NDUFC2: variants seen among roughly 807,000 people sequenced by gnomAD.
NDUFC2 encodes the protein NADH:ubiquinone oxidoreductase subunit C2.
Under a neutral mutation model 10.1 loss-of-function variants are expected in NDUFC2, and 2 were observed. That is an observed-to-expected ratio of 0.20 (90% CI 0.08 to 0.62). NDUFC2 has a LOEUF of 0.62. Among genes scored for constraint, NDUFC2 ranks in the 20% least tolerant of loss-of-function variants. NDUFC2 has a pLI of 0.87. For missense variants in NDUFC2, 156 were observed against 159.6 expected (o/e 0.98, Z 0.12); for synonymous variants, 61 against 63.6 (o/e 0.96, Z 0.20).
At chr11:78,074,446 C>CT (rs1171515686) in intron 1 of NDUFC2, among the ~76,000 whole-genome samples, 3 of 152,034 alleles carry the variant, frequency 2.0e-5, no homozygotes, top group African/African-American at 7.2e-5. Context: ...AACTCCGTCT[C>CT]TACTAAAAAT....
rs760630882 is a variant in NDUFC2, at chr11:78,073,065, C to G, written c.243G>C (p.Leu81=). The G allele has an allele frequency of 6.2e-7, 1 of 1,613,968 alleles. No individual in the cohort carries two copies. Among genetic ancestry groups the G allele is most frequent in the East Asian group, 2.2e-5 (1 of 44,884 alleles). Reference sequence around the variant, plus strand: ...ACATTTCACGGTCCCTCACAGCATACAGGTAGTCTTCACGTTTTACAAGAT... The same window carrying G: ...ACATTTCACGGTCCCTCACAGCATAGAGGTAGTCTTCACGTTTTACAAGAT... ...GYYLVKREDY[L]YAVRDREMFG... is the part of the protein sequence containing the mutation. Residue 81 remains leucine, a synonymous_variant, in exon 2 of 3, where the codon CTG becomes CTC. Transcript: ENST00000281031.
At chr11:78,076,497 C>A (rs1213610834) in intron 1 of NDUFC2, among the ~76,000 whole-genome samples, 1 of 152,206 alleles carries the variant, frequency 6.6e-6, no homozygotes, top group South Asian at 2.1e-4. Flanking sequence ...GCTAGATAAA[C>A]ACAATATGCA....
chr11:78,075,822 A>G (rs1859225601), intron 1 of NDUFC2, among the ~76,000 whole-genome samples: 1 of 152,090 alleles, frequency 6.6e-6, no homozygotes, highest in African/African-American at 2.4e-5. Context: ...ACCTGGGCTC[A>G]AGCAATCCTC....
At chr11:78,074,116 G>A (rs898815201) in intron 1 of NDUFC2, among the ~76,000 whole-genome samples, 4 of 151,318 alleles carry the variant, frequency 2.6e-5, no homozygotes, top group Admixed American at 1.3e-4. Flanking sequence ...CTGGGCTCAA[G>A]CGATCCCCCT....
intron 1 of NDUFC2, among the ~76,000 whole-genome samples, chr11:78,077,210 T>A (rs1859285174): frequency 6.6e-6 from 1 of 151,618 alleles, no homozygotes; most frequent in African/African-American, 2.4e-5. Flanking sequence ...GAGGATCGCC[T>A]GAGCCCAGGA....
chr11:78,070,166 C>A (rs7124965), intron 2 of NDUFC2, 130 bp from the exon 3 acceptor site: 8 of 687,036 alleles, frequency 1.2e-5, no homozygotes, highest in South Asian at 9.9e-5. Flanking sequence ...TCATGTCCCC[C>A]CAAAGTTCAT....
At chr11:78,071,843 T>C (rs1859021543) in intron 2 of NDUFC2, among the ~76,000 whole-genome samples, 1 of 152,076 alleles carries the variant, frequency 6.6e-6, no homozygotes, top group Non-Finnish European at 1.5e-5. Flanking sequence ...AGGTACAACA[T>C]GTATAAAGTA....
At chr11:78,079,433 C>T (rs1356623572) in intron 1 of NDUFC2, 146 bp downstream of exon 1, 4 of 1,164,124 alleles carry the variant, frequency 3.4e-6, no homozygotes, top group Non-Finnish European at 4.7e-6. Context: ...GCTAATGGGG[C>T]GCGGACTCCC....
chr11:78,072,926 C>T, intron 2 of NDUFC2, 72 bp downstream of exon 2: 2 of 1,566,400 alleles, frequency 1.3e-6, no homozygotes, highest in Admixed American at 2.0e-5. Context: ...TAAAGCCATA[C>T]ACATGGATAA....
intron 2 of NDUFC2, 36 bp downstream of exon 2, chr11:78,072,962 A>C: frequency 6.2e-7 from 1 of 1,601,858 alleles, no homozygotes; most frequent in East Asian, 2.2e-5. Context: ...ATAATAATAC[A>C]GTAAACACAG....
chr11:78,072,360 T>C (rs1191527123), intron 2 of NDUFC2, among the ~76,000 whole-genome samples: 1 of 152,168 alleles, frequency 6.6e-6, no homozygotes, highest in Non-Finnish European at 1.5e-5. Flanking sequence ...GTATTTCTAA[T>C]AGAGACAGGG....
chr11:78,079,482 G>A, intron 1 of NDUFC2, 97 bp downstream of exon 1: 4 of 1,443,972 alleles, frequency 2.8e-6, no homozygotes, highest in Non-Finnish European at 3.6e-6. Context: ...AAAAAGGCAC[G>A]GAAAAGCAGA....
chr11:78,069,840 A>G lies in NDUFC2; in HGVS notation c.*147T>C, dbSNP rs750579946. On this transcript the variant is annotated 3_prime_UTR_variant, in exon 3 of 3. Transcript: ENST00000281031. ...GATGAACTATTTTTCTTACAACAAT[A>G]AAGAGTCAGAGTACTCATGGTACGT... is the stretch of plus-strand genomic sequence containing the variant. The G allele has an allele frequency of 6.5e-7, 1 of 1,536,862 alleles. No homozygotes were observed. The highest frequency in any genetic ancestry group is 8.9e-7 in the Non-Finnish European group (1 of 1,126,338).
chr11:78,076,441 C>T (rs977554022), intron 1 of NDUFC2, among the ~76,000 whole-genome samples: 1 of 152,230 alleles, frequency 6.6e-6, no homozygotes, highest in Non-Finnish European at 1.5e-5. Flanking sequence ...CACACGTGAC[C>T]TCACTCAATA....
At position 78,069,721 on chromosome 11, in the gene NDUFC2, G is replaced by T; in HGVS notation, c.*266C>A. On this transcript the variant is annotated 3_prime_UTR_variant, in exon 3 of 3. Transcript: ENST00000281031. ...TTCCAATGAGACTTTATTGGCAGTG[G>T]GCCAGATTTGGGTAGTCTGCTAACT... 3.0e-6 allele frequency: 2 copies of T among 672,290 alleles called. No homozygotes were observed. 41.6% of individuals were successfully genotyped at this position (672,290 alleles called of 1,614,324 possible).
chr11:78,075,065 T>C (rs1055679820), intron 1 of NDUFC2, among the ~76,000 whole-genome samples: 1 of 152,228 alleles, frequency 6.6e-6, no homozygotes, highest in African/African-American at 2.4e-5. Context: ...CATTTTCCCA[T>C]TGTTTACTCA....
chr11:78,068,466 CTTATAT>C lies in NDUFC2; in HGVS notation c.*1515_*1520del, dbSNP rs1383671056. The C allele has an allele frequency of 1.3e-5, 2 of 152,204 alleles. No homozygotes were observed. Among genetic ancestry groups the C allele is most frequent in the African/African-American group, 4.8e-5 (2 of 41,450 alleles). 9.4% of individuals were successfully genotyped at this position (152,204 alleles called of 1,614,324 possible). A position where few individuals can be genotyped will look rare whatever the true frequency, so the allele number is the denominator to read the frequency against. Reference sequence around the variant, plus strand: ...TTTGATTTTGCCCAGAAACCATCTGCTTATATTTATAAGGCCACCTAATTTGAAATC... The same window carrying C: ...TTTGATTTTGCCCAGAAACCATCTGCTTATAAGGCCACCTAATTTGAAATC... On this transcript the variant is annotated 3_prime_UTR_variant, in exon 3 of 3. Transcript: ENST00000281031.
chr11:78,071,145 G>A (rs1171396901), intron 2 of NDUFC2, among the ~76,000 whole-genome samples: 1 of 152,052 alleles, frequency 6.6e-6, no homozygotes, highest in Non-Finnish European at 1.5e-5. Flanking sequence ...ACTGAAGGCT[G>A]TGGGAATATT....
intron 2 of NDUFC2, among the ~76,000 whole-genome samples, chr11:78,070,316 C>G (rs906709117): frequency 6.6e-6 from 1 of 152,142 alleles, no homozygotes; most frequent in Non-Finnish European, 1.5e-5. Flanking sequence ...GAGGACACAG[C>G]AAGATGGCAT....
Sources: allele counts gnomAD v4.1 joint callset (sites outside exome capture counted in the v4.1 genomes callset), GRCh38; gene constraint gnomAD v4.1.1; transcripts MANE v1.5; gene names NCBI Gene and HGNC (gene_info 2026-07-23, HGNC 2026-07-21).